PLD1: variants seen among roughly 807,000 people sequenced by gnomAD.
The protein encoded by PLD1 is phospholipase D1, also known as choline phosphatase 1.
In PLD1, 112 loss-of-function variants were observed where a neutral mutation model predicts 137.1. The ratio of observed to expected loss-of-function variants is 0.82; its 90% confidence interval spans 0.70 to 0.96. The LOEUF is 0.96. Among genes scored for constraint, PLD1 ranks in the 40% least tolerant of loss-of-function variants. The pLI is 0.00. For missense variants in PLD1, 1,321 were observed against 1,342.0 expected, an observed-to-expected ratio of 0.98 and a Z score of 0.24; for synonymous variants, 431 against 454.7, an observed-to-expected ratio of 0.95 and a Z score of 0.66.
At chr3:171,626,195 C>T (rs1038204510) in intron 23 of PLD1, among the ~76,000 whole-genome samples, 65 of 152,006 alleles carry the variant, frequency 4.3e-4, no homozygotes, top group African/African-American at 1.3e-3. Context: ...TCGAGAACTA[C>T]ATGAAGAACG....
At chr3:171,796,045 G>A (rs754645986) in intron 1 of PLD1, among the ~76,000 whole-genome samples, 5 of 152,128 alleles carry the variant, frequency 3.3e-5, no homozygotes, top group Non-Finnish European at 7.3e-5. Context: ...TATTGTCTGA[G>A]ACATTGGTCT....
intron 23 of PLD1, among the ~76,000 whole-genome samples, chr3:171,638,117 G>A (rs1193040721): frequency 3.3e-5 from 5 of 151,126 alleles, no homozygotes; most frequent in Admixed American, 6.6e-5. Flanking sequence ...CCTGGGAGGC[G>A]GAGCTTGCAG....
chr3:171,662,068 A>C lies in PLD1; in HGVS notation c.2332T>G (p.Tyr778Asp). 6.3e-7 allele frequency: 1 copy of C among 1,579,286 alleles called. No homozygotes were observed. The highest frequency in any genetic ancestry group is 8.7e-7 in the Non-Finnish European group (1 of 1,148,766). The part of the protein sequence containing the change: ...HVIENSRHYI[Y>D]IENQFFISCA... ...ACATGAGCAAGACTTACTTCGATAT[A>C]GATATAGTGCCTGCTGTTCTCTATC... is the stretch of plus-strand genomic sequence containing the variant. Residue 778 changes from tyrosine (Y) to aspartate (D), a missense_variant, in exon 20 of 27, where the codon TAT becomes GAT. Transcript: ENST00000351298.
intron 1 of PLD1, among the ~76,000 whole-genome samples, chr3:171,787,466 A>T (rs1403493964): frequency 6.6e-6 from 1 of 152,124 alleles, no homozygotes; most frequent in Admixed American, 6.6e-5. Context: ...CTCACATTGC[A>T]AGAGCTGGTT....
intron 21 of PLD1, among the ~76,000 whole-genome samples, chr3:171,645,268 T>C (rs1190087110): frequency 6.6e-6 from 1 of 152,176 alleles, no homozygotes; most frequent in Non-Finnish European, 1.5e-5. Context: ...ATTGTACCCA[T>C]TGTCTCTCTA....
Position 171,688,687 on chromosome 3 carries a change from C to A in PLD1, c.1528G>T (p.Gly510Cys), listed in dbSNP as rs1184862216. 4 of 1,613,184 alleles carry A rather than the reference C, an allele frequency of 2.5e-6. No homozygotes were observed. The highest frequency in any genetic ancestry group is 2.5e-6 in the Non-Finnish European group (3 of 1,179,184). The change falls in exon 14 of 27, where the codon GGT becomes TGT. Residue 510 changes from glycine to cysteine, a missense_variant. Gly to Cys is a radical substitution (Grantham distance 159). Transcript: ENST00000351298. ...TTAAATATACTTACTGGGAGGGAAC[C>A]CAGAGACGGTCCTGAAGTGACCCGC... ...VKRVTSGPSL[G>C]SLPPAAMESM...
At chr3:171,758,461 C>T (rs971163128) in intron 1 of PLD1, among the ~76,000 whole-genome samples, 15 of 152,158 alleles carry the variant, frequency 9.9e-5, no homozygotes, top group African/African-American at 3.4e-4. Flanking sequence ...CTGGGACTGT[C>T]GACAATTAAA....
intron 23 of PLD1, among the ~76,000 whole-genome samples, chr3:171,636,681 T>A (rs1201194334): frequency 5.3e-5 from 8 of 152,084 alleles, no homozygotes; most frequent in Non-Finnish European, 1.2e-4. Flanking sequence ...TCTTAGAATT[T>A]CCTGCATACA....
intron 1 of PLD1, among the ~76,000 whole-genome samples, chr3:171,764,848 A>G (rs1433041550): frequency 5.0e-5 from 1 of 19,930 alleles, no homozygotes; most frequent in Non-Finnish European, 1.1e-4. Context: ...AGAAAGAAAG[A>G]AAGAAAGAAA....
At chr3:171,650,257 C>T (rs1434930376) in intron 21 of PLD1, among the ~76,000 whole-genome samples, 1 of 152,080 alleles carries the variant, frequency 6.6e-6, no homozygotes, top group Non-Finnish European at 1.5e-5. Flanking sequence ...CAGGATAGAC[C>T]CCACTCTCTT....
At chr3:171,799,433 C>G (rs1723562074) in intron 1 of PLD1, among the ~76,000 whole-genome samples, 1 of 147,930 alleles carries the variant, frequency 6.8e-6, no homozygotes, top group Admixed American at 6.7e-5. Flanking sequence ...TGTTTGTGAA[C>G]TAGCACAGAA....
At chr3:171,664,747 C>A (rs1022803300) in intron 19 of PLD1, among the ~76,000 whole-genome samples, 1 of 152,174 alleles carries the variant, frequency 6.6e-6, no homozygotes, top group Non-Finnish European at 1.5e-5. Context: ...GCGTGAGCCA[C>A]CACGCCCGGC....
intron 1 of PLD1, among the ~76,000 whole-genome samples, chr3:171,779,930 A>T (rs750560479): frequency 1.3e-5 from 2 of 151,344 alleles, no homozygotes; most frequent in Non-Finnish European, 2.9e-5. Flanking sequence ...GGGTTTGGAG[A>T]CGTAAGTCTG....
chr3:171,708,476 T>G (rs1159499701), intron 11 of PLD1, among the ~76,000 whole-genome samples: 4 of 152,252 alleles, frequency 2.6e-5, no homozygotes, highest in Admixed American at 1.3e-4. Flanking sequence ...GTACTTGCAT[T>G]ACAGTATAAT....
chr3:171,614,564 G>A lies in PLD1; in HGVS notation c.2729-2132C>T, dbSNP rs1011394718. ...TTGTTAACTCTACAATAACTGCACC[G>A]GAGAATGCTGCCATAGGAACCGACC... On this transcript the variant is annotated intron_variant, in intron 24 of 26. Transcript: ENST00000351298. Among the ~76,000 whole-genome samples, 5 of 152,170 alleles carry A rather than the reference G, an allele frequency of 3.3e-5. No homozygotes were observed. In the East Asian group the frequency reaches 5.8e-4, roughly 18 times the overall value.
intron 1 of PLD1, among the ~76,000 whole-genome samples, chr3:171,798,647 T>C (rs1444391353): frequency 6.6e-6 from 1 of 152,242 alleles, no homozygotes; most frequent in African/African-American, 2.4e-5. Context: ...GTGCTTATTA[T>C]GTATGCTTAA....
intron 23 of PLD1, among the ~76,000 whole-genome samples, chr3:171,623,312 A>ATTTTTT (rs760981558): frequency 5.0e-5 from 7 of 138,964 alleles, no homozygotes; most frequent in African/African-American, 5.5e-5. Context: ...GCCCTATCAG[A>ATTTTTT]CTTTTTTTTT....
At chr3:171,663,441 T>C (rs1244450962) in intron 19 of PLD1, among the ~76,000 whole-genome samples, 1 of 152,242 alleles carries the variant, frequency 6.6e-6, no homozygotes, top group Admixed American at 6.5e-5. Context: ...TTCTACTTTA[T>C]AGGGTCATAG....
chr3:171,670,056 G>A (rs1323506534), intron 19 of PLD1, among the ~76,000 whole-genome samples: 2 of 152,198 alleles, frequency 1.3e-5, no homozygotes, highest in Non-Finnish European at 2.9e-5. Context: ...CTCATATGTG[G>A]AAGCTTAAAA....
Sources: allele counts gnomAD v4.1 joint callset (sites outside exome capture counted in the v4.1 genomes callset), GRCh38; gene constraint gnomAD v4.1.1; transcripts MANE v1.5; gene names NCBI Gene and HGNC (gene_info 2026-07-23, HGNC 2026-07-21).